DGKB: variants seen among roughly 807,000 people sequenced by gnomAD.
DGKB encodes the protein diacylglycerol kinase beta.
A neutral mutation model predicts 114.3 loss-of-function variants in DGKB; 67 were observed. The observed-to-expected ratio is 0.59, with a 90% CI of 0.48 to 0.72. DGKB has a LOEUF of 0.72. Among genes scored for constraint, DGKB ranks in the 30% least tolerant of loss-of-function variants. The pLI is 0.00. For synonymous variants in DGKB, 398 were observed against 323.1 expected (o/e 1.23, Z -2.49); for missense variants, 907 against 975.2 (o/e 0.93, Z 0.93).
chr7:14,482,438 G>C (rs556089580), intron 20 of DGKB, among the ~76,000 whole-genome samples: 3 of 151,990 alleles, frequency 2.0e-5, no homozygotes, highest in South Asian at 4.2e-4. Context: ...AACTCAAAAG[G>C]GTGAGGAATA....
intron 9 of DGKB, among the ~76,000 whole-genome samples, chr7:14,688,564 AC>A (rs1435096715): frequency 2.0e-5 from 3 of 152,162 alleles, no homozygotes; most frequent in Non-Finnish European, 4.4e-5. Context: ...CTAAAATTTC[AC>A]TTTATTTCAT....
chr7:14,657,569 A>G (rs531346692), intron 13 of DGKB, among the ~76,000 whole-genome samples: 1 of 152,006 alleles, frequency 6.6e-6, no homozygotes, highest in South Asian at 2.1e-4. Flanking sequence ...AAGGAAATAG[A>G]TGACTTCAGT....
At chr7:14,207,651 T>G (rs1296562501) in intron 23 of DGKB, among the ~76,000 whole-genome samples, 1 of 152,006 alleles carries the variant, frequency 6.6e-6, no homozygotes, top group African/African-American at 2.4e-5. Context: ...CCTTTTCTCC[T>G]CCCACAAATG....
intron 20 of DGKB, among the ~76,000 whole-genome samples, chr7:14,520,461 A>T (rs747655711): frequency 3.0e-4 from 46 of 151,904 alleles, no homozygotes; most frequent in Middle Eastern, 3.4e-3. Flanking sequence ...AGGCATTTAC[A>T]TCTATAAATG....
chr7:14,654,703 G>T (rs973103446), intron 13 of DGKB, among the ~76,000 whole-genome samples: 33 of 151,946 alleles, frequency 2.2e-4, no homozygotes, highest in African/African-American at 7.0e-4. Flanking sequence ...GAACAGTATA[G>T]AGAACACTGA....
intron 6 of DGKB, among the ~76,000 whole-genome samples, 179 bp from the exon 7 acceptor site, chr7:14,701,909 AT>A (rs35307487): frequency 0.4 from 60,358 of 152,002 alleles, 14,332 homozygotes; most frequent in East Asian, 0.87. Flanking sequence ...TAATTAGTTA[AT>A]AGAAATACTG....
chr7:14,372,457 C>A (rs1187558294), intron 21 of DGKB, among the ~76,000 whole-genome samples: 2 of 152,084 alleles, frequency 1.3e-5, no homozygotes, highest in East Asian at 1.9e-4. Context: ...GTGAACTTAA[C>A]CTCATCATAA....
rs7794603 is a variant in DGKB at position 14,553,724 on chromosome 7, T to G, written c.1770+20488A>C. Among the ~76,000 whole-genome samples the G allele has an allele frequency of 2.9e-3, 441 of 152,242 alleles. 3 individuals carry two copies. The highest frequency in any genetic ancestry group is 9.8e-3 in the African/African-American group (408 of 41,556). ...ATGAAACTTTAAAGATTACCCACAG[T>G]CCCACCACATTTTAAATTTACATTA... On this transcript the variant is annotated intron_variant, in intron 20 of 25. Coordinates refer to ENST00000402815, the MANE Select transcript of DGKB (RefSeq NM_001350709.2).
At chr7:14,236,616 CAAAG>C (rs1792823500) in intron 23 of DGKB, among the ~76,000 whole-genome samples, 1 of 151,800 alleles carries the variant, frequency 6.6e-6, no homozygotes, top group African/African-American at 2.4e-5. Context: ...CTGAAGGAAA[CAAAG>C]AAAAGTTCAT....
chr7:14,161,919 T>A (rs940907437), intron 25 of DGKB, among the ~76,000 whole-genome samples: 3 of 152,208 alleles, frequency 2.0e-5, no homozygotes, highest in Admixed American at 2.0e-4. Flanking sequence ...ACTATGATAT[T>A]CTAGTCAGTT....
intron 1 of DGKB, among the ~76,000 whole-genome samples, chr7:14,968,348 T>A (rs1285232397): frequency 6.6e-6 from 1 of 152,172 alleles, no homozygotes; most frequent in East Asian, 1.9e-4. Context: ...TGAATCAAGC[T>A]AAATGTAATA....
intron 21 of DGKB, among the ~76,000 whole-genome samples, chr7:14,385,093 C>T (rs947879805): frequency 3.9e-5 from 6 of 151,984 alleles, no homozygotes; most frequent in South Asian, 4.2e-4. Context: ...TTTTATTCTC[C>T]GAATGAAAAC....
intron 23 of DGKB, among the ~76,000 whole-genome samples, chr7:14,305,620 C>A (rs1215014825): frequency 6.6e-6 from 1 of 152,118 alleles, no homozygotes; most frequent in Non-Finnish European, 1.5e-5. Context: ...GTTCTAGTGG[C>A]TTGCGATCCA....
intron 6 of DGKB, among the ~76,000 whole-genome samples, chr7:14,717,075 T>C (rs1241068178): frequency 6.6e-6 from 1 of 151,986 alleles, no homozygotes; most frequent in Non-Finnish European, 1.5e-5. Flanking sequence ...AGATTCATCA[T>C]GTCTTTTTGA....
chr7:14,682,894 T>C lies in DGKB; in HGVS notation c.830-53A>G. On this transcript the variant is annotated intron_variant, in intron 10 of 25. Coordinates refer to ENST00000402815, the MANE Select transcript of DGKB (RefSeq NM_001350709.2). ...GAGCTAATCCTGGTCCTGGTTGTAATTTTATAGAGAAAGAATGACATTAAC... is the reference window on the plus strand; with the variant it reads ...GAGCTAATCCTGGTCCTGGTTGTAACTTTATAGAGAAAGAATGACATTAAC... The C allele has an allele frequency of 4.7e-6, 6 of 1,272,008 alleles. No homozygotes were observed. In the South Asian group the frequency reaches 7.7e-5, roughly 16 times the overall value. 78.8% of individuals were successfully genotyped at this position (1,272,008 alleles called of 1,614,324 possible).
chr7:14,718,583 A>G lies in DGKB; in HGVS notation c.425T>C (p.Leu142Pro). The change falls in exon 6 of 26, where the codon CTG becomes CCG. Residue 142 changes from leucine (L) to proline (P), a missense_variant. Physicochemically the swap from Leu to Pro is moderately conservative, Grantham distance 98. Around this residue, in one of 3 missense-constraint regions of DGKB, gnomAD observed 814 missense variants for 856.6 expected, o/e 0.95. Transcript: ENST00000402815. Reference protein sequence around the residue: ...VIHLKDIVCYLSLLERGRPED... With the variant: ...VIHLKDIVCYPSLLERGRPED... ...AGGTCTTCCTCTTTCAAGCAGAGAC[A>G]GGTAACAGACAATGTCCTTCAGATG... 1 of 1,613,088 alleles carries G rather than the reference A, an allele frequency of 6.2e-7. No homozygotes were observed. Among genetic ancestry groups the G allele is most frequent in the Non-Finnish European group, 8.5e-7 (1 of 1,179,452 alleles).
intron 2 of DGKB, among the ~76,000 whole-genome samples, chr7:14,772,367 G>A (rs1396352394): frequency 6.6e-6 from 1 of 152,098 alleles, no homozygotes; most frequent in African/African-American, 2.4e-5. Context: ...AAAAGAACTG[G>A]TTCTACAGTT....
intron 2 of DGKB, among the ~76,000 whole-genome samples, chr7:14,789,875 C>T (rs1157565480): frequency 6.6e-6 from 1 of 152,100 alleles, no homozygotes; most frequent in African/African-American, 2.4e-5. Flanking sequence ...AAATGTTTTC[C>T]AGAGTGCTGA....
chr7:14,647,836 C>G (rs990227563), intron 13 of DGKB, among the ~76,000 whole-genome samples: 5 of 152,138 alleles, frequency 3.3e-5, no homozygotes, highest in Non-Finnish European at 5.9e-5. Flanking sequence ...ACTTGGGAAG[C>G]GCAAGGGGTC....
Sources: gnomAD v4.1 joint callset for allele counts (sites outside exome capture counted in the v4.1 genomes callset) on GRCh38, gnomAD v4.1.1 for gene constraint, gnomAD v4.1.1 regional missense constraint, MANE v1.5 for transcripts, NCBI Gene and HGNC (gene_info 2026-07-23, HGNC 2026-07-21) for gene names.